Variants in LOX observed in about 807,000 individuals in gnomAD.
LOX encodes the protein protein-lysine 6-oxidase.
A neutral mutation model predicts 50.5 loss-of-function variants in LOX; 12 were observed. The observed-to-expected ratio is 0.24, with a 90% CI of 0.15 to 0.38. The LOEUF is 0.38. Among genes scored for constraint, LOX ranks in the 10% least tolerant of loss-of-function variants. The probability of loss-of-function intolerance (pLI) is 1.00; values close to 1 mark genes in which losing one functional copy is unlikely to be tolerated. For missense variants in LOX, 504 were observed against 563.8 expected, an observed-to-expected ratio of 0.89 and a Z score of 1.07; for synonymous variants, 254 against 230.6, an observed-to-expected ratio of 1.10 and a Z score of -0.92.
chr5:122,077,936 G>C lies in LOX; in HGVS notation c.50C>G (p.Ala17Gly), dbSNP rs765159521. The C allele has an allele frequency of 1.3e-6, 2 of 1,500,014 alleles. No individual in the cohort carries two copies. Among genetic ancestry groups the C allele is most frequent in the Non-Finnish European group, 1.8e-6 (2 of 1,136,408 alleles). The allele number at this position is 1,500,014 out of a possible 1,614,324, so 92.9% of individuals were successfully genotyped here. The change falls in exon 1 of 7, where the codon GCG (alanine) becomes GGG (glycine). Residue 17 changes from alanine (A) to glycine (G), a missense_variant. This residue lies in a region of LOX where 398 missense variants were observed against 365.8 expected (regional missense o/e 1.09). Coordinates refer to ENST00000231004, the MANE Select transcript of LOX (RefSeq NM_002317.7). This position sits in a 1 kb window ranked among gnomAD's most constrained non-coding sequence, Gnocchi z 4.9. ...VLLLGPLQLC[A>G]LVHCAPPAAG... ...GGCGGGAGGGGCGCAGTGCACTAGCGCGCAGAGCTGCAAAGGCCCGAGCAG... is the reference window on the plus strand; with the variant it reads ...GGCGGGAGGGGCGCAGTGCACTAGCCCGCAGAGCTGCAAAGGCCCGAGCAG...
At chr5:122,071,049 C>CT (rs1300243897) in intron 4 of LOX, among the ~76,000 whole-genome samples, 1 of 148,754 alleles carries the variant, frequency 6.7e-6, no homozygotes, top group African/African-American at 2.5e-5. Flanking sequence ...GTGTTTATCC[C>CT]TTTTTGCTCT....
intron 4 of LOX, among the ~76,000 whole-genome samples, chr5:122,073,361 T>C (rs1754509591): frequency 6.6e-6 from 1 of 152,244 alleles, no homozygotes; most frequent in African/African-American, 2.4e-5. Flanking sequence ...TCAATTATAC[T>C]GTAGATTTAA....
intron 6 of LOX, among the ~76,000 whole-genome samples, chr5:122,067,795 T>G (rs17148776): frequency 0.023 from 3,573 of 152,176 alleles, 139 homozygotes; most frequent in African/African-American, 0.081. Context: ...GCCTGTGACG[T>G]TGACTTGCCC....
chr5:122,076,830 A>C, intron 2 of LOX, 63 bp downstream of exon 2: 1 of 1,437,602 alleles, frequency 7.0e-7, no homozygotes, highest in Non-Finnish European at 9.8e-7. Flanking sequence ...AGTCAGAACC[A>C]GGCACCAGAG....
intron 4 of LOX, among the ~76,000 whole-genome samples, chr5:122,071,077 G>A (rs1448669457): frequency 1.3e-5 from 2 of 152,046 alleles, no homozygotes; most frequent in East Asian, 3.9e-4. Context: ...AACATGCTAT[G>A]TAAGAATATA....
At chr5:122,068,728 A>G (rs1414657344) in intron 6 of LOX, among the ~76,000 whole-genome samples, 4 of 152,160 alleles carry the variant, frequency 2.6e-5, no homozygotes, top group Non-Finnish European at 5.9e-5. Context: ...CTACAGCAGT[A>G]TAGAGATTAG....
intron 4 of LOX, among the ~76,000 whole-genome samples, chr5:122,073,256 T>TA (rs1754503623): frequency 6.6e-6 from 1 of 152,182 alleles, no homozygotes; most frequent in African/African-American, 2.4e-5. Flanking sequence ...AATACTGACA[T>TA]AGATTTTAAC....
chr5:122,072,626 T>C (rs1024237066), intron 4 of LOX, among the ~76,000 whole-genome samples: 3 of 152,188 alleles, frequency 2.0e-5, no homozygotes, highest in African/African-American at 7.2e-5. Context: ...GAGACTATTT[T>C]TTCCTTTAAA....
chr5:122,068,966 A>G (rs1057274106), intron 6 of LOX, among the ~76,000 whole-genome samples: 1 of 151,768 alleles, frequency 6.6e-6, no homozygotes, highest in African/African-American at 2.4e-5. Flanking sequence ...ACTATAACCA[A>G]CTCCACACAA....
chr5:122,070,218 A>G (rs755558884), intron 5 of LOX, 50 bp from the exon 6 acceptor site: 1 of 1,041,552 alleles, frequency 9.6e-7, no homozygotes, highest in Non-Finnish European at 1.5e-6. Context: ...TAGGGCTACA[A>G]TAAGGAAATT....
At chr5:122,074,626 G>A (rs574917976) in intron 3 of LOX, among the ~76,000 whole-genome samples, 1 of 152,290 alleles carries the variant, frequency 6.6e-6, no homozygotes, top group African/African-American at 2.4e-5. Flanking sequence ...AAAAGCAAGG[G>A]AGAACTCATG....
chr5:122,066,449 A>C lies in LOX; in HGVS notation c.*294T>G, dbSNP rs1230509390. The C allele has an allele frequency of 2.9e-6, 1 of 341,364 alleles. No homozygotes were observed. Among genetic ancestry groups the C allele is most frequent in the Non-Finnish European group, 5.4e-6 (1 of 186,412 alleles). The allele number at this position is 341,364 out of a possible 1,614,324, so 21.1% of individuals were successfully genotyped here. On this transcript the variant is annotated 3_prime_UTR_variant, in exon 7 of 7. Coordinates refer to ENST00000231004, the MANE Select transcript of LOX (RefSeq NM_002317.7). Reference sequence around the variant, plus strand: ...TTTGCACTACAATTTCAAAAGGAACATGAGAAATTTGGATTTCTTTGAAAG... The same window carrying C: ...TTTGCACTACAATTTCAAAAGGAACCTGAGAAATTTGGATTTCTTTGAAAG...
At position 122,069,167 on chromosome 5, in the gene LOX, A is replaced by T. The variant is rs143601413; in HGVS notation, c.1247+886T>A. ...TCCTGGGTTTTTGTATCAGGCAGAAATTTCTATTAATTATGAGATTCTAGT... is the reference window on the plus strand; with the variant it reads ...TCCTGGGTTTTTGTATCAGGCAGAATTTTCTATTAATTATGAGATTCTAGT... On this transcript the variant is annotated intron_variant, in intron 6 of 6. Coordinates refer to ENST00000231004, the MANE Select transcript of LOX (RefSeq NM_002317.7). 4.1e-3 allele frequency among the ~76,000 whole-genome samples: 625 copies of T among 152,206 alleles called. 1 individual carries two copies. Among genetic ancestry groups the T allele is most frequent in the Non-Finnish European group, 4.9e-3 (335 of 67,994 alleles).
rs939922305 is a variant in LOX, at chr5:122,063,400, A to C, written c.*3343T>G. ...AAGCTAAAACTTCACTAAAAACCTA[A>C]CACCAAATGACATGTTACTTAGTTT... is the stretch of plus-strand genomic sequence containing the variant. On this transcript the variant is annotated 3_prime_UTR_variant, in exon 7 of 7. Transcript: ENST00000231004. 1 of 151,910 alleles carries C rather than the reference A, an allele frequency of 6.6e-6. No homozygotes were observed. Among genetic ancestry groups the C allele is most frequent in the Non-Finnish European group, 1.5e-5 (1 of 67,872 alleles). The allele number at this position is 151,910 out of a possible 1,614,324, so 9.4% of individuals were successfully genotyped here.
At position 122,077,170 on chromosome 5, in the gene LOX, A is replaced by T; in HGVS notation, c.632-169T>A. On this transcript the variant is annotated intron_variant, in intron 1 of 6. Transcript: ENST00000231004. The surrounding 1 kb of genome is among the most constrained non-coding windows in gnomAD (Gnocchi z 4.9). ...ACGCCCGGGACTGCAAAGCAATGTG[A>T]AAAGGAAGCAGGAGGGGCCAGACGC... The T allele has an allele frequency of 6.8e-7, 1 of 1,463,752 alleles. No individual in the cohort carries two copies. Among genetic ancestry groups the T allele is most frequent in the Non-Finnish European group, 9.0e-7 (1 of 1,113,438 alleles). 90.7% of individuals were successfully genotyped at this position (1,463,752 alleles called of 1,614,324 possible).
chr5:122,069,601 T>C (rs1754394148), intron 6 of LOX, among the ~76,000 whole-genome samples: 2 of 152,156 alleles, frequency 1.3e-5, no homozygotes, highest in Admixed American at 1.3e-4. Context: ...ACATCTTGAT[T>C]TGTACAGACC....
At chr5:122,070,020 C>T (rs574685251) in intron 6 of LOX, 33 bp downstream of exon 6, 1 of 1,444,734 alleles carries the variant, frequency 6.9e-7, no homozygotes, top group Admixed American at 1.7e-5. Context: ...TTATTTGTGA[C>T]AACAATTACT....
rs1386711100 is a variant in LOX, at chr5:122,070,595, A to G, written c.1036-6T>C. ...TAACAGCCAGGACTCAATCCCTAAG[A>G]TAAACAAAATAAAAAATTTAAAATT... On this transcript the variant is annotated splice_polypyrimidine_tract_variant and splice_region_variant and intron_variant, in intron 4 of 6. Transcript: ENST00000231004. 5 of 1,491,342 alleles carry G rather than the reference A, an allele frequency of 3.4e-6. No homozygotes were observed. Among genetic ancestry groups the G allele is most frequent in the Non-Finnish European group, 4.6e-6 (5 of 1,078,868 alleles). The allele number at this position is 1,491,342 out of a possible 1,614,324, so 92.4% of individuals were successfully genotyped here.
Position 122,077,344 on chromosome 5 carries a change from G to T in LOX, c.631+11C>A. 6.2e-7 allele frequency: 1 copy of T among 1,613,622 alleles called. No individual in the cohort carries two copies. The highest frequency in any genetic ancestry group is 1.1e-5 in the South Asian group (1 of 91,018). On this transcript the variant is annotated intron_variant, in intron 1 of 6. Transcript: ENST00000231004. This position sits in a 1 kb window ranked among gnomAD's most constrained non-coding sequence, Gnocchi z 4.9. ...TGCACGGGTGCTTCCAGCGGACTTGGGGGTACTTACCGTACTGGAAGTAGC... is the reference window on the plus strand; with the variant it reads ...TGCACGGGTGCTTCCAGCGGACTTGTGGGTACTTACCGTACTGGAAGTAGC...
Sources: gnomAD v4.1 joint callset for allele counts (sites outside exome capture counted in the v4.1 genomes callset) on GRCh38, gnomAD v4.1.1 for gene constraint, gnomAD v4.1.1 regional missense constraint, Gnocchi (gnomAD v3.1) non-coding constraint, MANE v1.5 for transcripts, NCBI Gene and HGNC (gene_info 2026-07-23, HGNC 2026-07-21) for gene names.